CERT1: variants seen among roughly 807,000 people sequenced by gnomAD.
CERT1 encodes the protein ceramide transporter 1, also known as ceramide transfer protein.
A neutral mutation model predicts 87.9 loss-of-function variants in CERT1; 31 were observed. The observed-to-expected ratio is 0.35, with a 90% CI of 0.27 to 0.48. The LOEUF is 0.48. CERT1 is among the 20% of genes least tolerant of loss of function. The probability of loss-of-function intolerance (pLI) is 0.99; values close to 1 mark genes in which losing one functional copy is unlikely to be tolerated. For missense variants in CERT1, 487 were observed against 758.0 expected (o/e 0.64, Z 4.20); for synonymous variants, 289 against 250.9 (o/e 1.15, Z -1.44).
At chr5:75,462,948 C>A (rs1343119303) in intron 2 of CERT1, among the ~76,000 whole-genome samples, 1 of 140,980 alleles carries the variant, frequency 7.1e-6, no homozygotes, top group African/African-American at 2.7e-5. Context: ...ACCAAGATGG[C>A]GCTACTGTAC....
At chr5:75,508,697 A>ACT (rs1767773480) in intron 1 of CERT1, among the ~76,000 whole-genome samples, 1 of 152,212 alleles carries the variant, frequency 6.6e-6, no homozygotes, top group African/African-American at 2.4e-5. Context: ...TATATTTAGA[A>ACT]TAAGAGTCAG....
chr5:75,399,285 T>G, intron 11 of CERT1, 25 bp downstream of exon 11: 2 of 1,530,290 alleles, frequency 1.3e-6, no homozygotes, highest in Non-Finnish European at 1.8e-6. Context: ...AAGACTCAAG[T>G]CCACTCTATA....
At chr5:75,392,493 A>C (rs547122669) in intron 11 of CERT1, among the ~76,000 whole-genome samples, 1 of 152,340 alleles carries the variant, frequency 6.6e-6, no homozygotes, top group African/African-American at 2.4e-5. Context: ...ATAACATTAA[A>C]GTTAAGAGAG....
At chr5:75,440,437 G>A (rs1289722132) in intron 3 of CERT1, among the ~76,000 whole-genome samples, 6 of 151,900 alleles carry the variant, frequency 3.9e-5, no homozygotes, top group African/African-American at 7.2e-5. Flanking sequence ...AAACCACCAC[G>A]GGAGAGCTTT....
chr5:75,373,891 C>T (rs1400552703), downstream of CERT1: 5 of 392,744 alleles, frequency 1.3e-5, no homozygotes, highest in East Asian at 1.8e-4. Context: ...AGCATCAATT[C>T]CTAGTTGTGA....
At chr5:75,405,388 TAC>T (rs1256981008) in intron 8 of CERT1, among the ~76,000 whole-genome samples, 1 of 152,194 alleles carries the variant, frequency 6.6e-6, no homozygotes, top group Middle Eastern at 3.2e-3. Context: ...ACAGCATTCT[TAC>T]TTATATCCAA....
intron 8 of CERT1, among the ~76,000 whole-genome samples, chr5:75,409,589 C>T (rs910909386): frequency 4.1e-4 from 63 of 152,038 alleles, no homozygotes; most frequent in African/African-American, 1.5e-3. Context: ...CGCAGTGGCA[C>T]GATCTCAGCT....
At chr5:75,500,900 T>C (rs1580862414) in intron 2 of CERT1, among the ~76,000 whole-genome samples, 1 of 152,234 alleles carries the variant, frequency 6.6e-6, no homozygotes, top group East Asian at 1.9e-4. Context: ...GACTACTATT[T>C]GGCACTTTCA....
At chr5:75,376,071 C>T (rs1051222846), downstream of CERT1, 6 of 152,122 alleles carry the variant, frequency 3.9e-5, no homozygotes, top group Non-Finnish European at 8.8e-5. Flanking sequence ...CAAGCTCCTC[C>T]CTCCCAGGTC....
At chr5:75,420,083 T>C (rs1250151053) in intron 5 of CERT1, among the ~76,000 whole-genome samples, 1 of 151,592 alleles carries the variant, frequency 6.6e-6, no homozygotes, top group African/African-American at 2.4e-5. Context: ...TTCAAGCAAT[T>C]CTTCCACCTC....
At chr5:75,398,922 C>T (rs1762362637) in intron 11 of CERT1, among the ~76,000 whole-genome samples, 1 of 152,170 alleles carries the variant, frequency 6.6e-6, no homozygotes, top group South Asian at 2.1e-4. Context: ...GATACTTTAG[C>T]TTAAAAGTGA....
Position 75,411,044 on chromosome 5 carries a change from C to T in CERT1, c.897G>A (p.Lys299=). 2.5e-6 allele frequency: 4 copies of T among 1,594,378 alleles called. No homozygotes were observed. Among genetic ancestry groups the T allele is most frequent in the Non-Finnish European group, 3.4e-6 (4 of 1,168,556 alleles). The change falls in exon 8 of 17, where the codon AAG becomes AAA. Residue 299 remains lysine, a synonymous_variant. Coordinates refer to ENST00000643780, the MANE Select transcript of CERT1 (RefSeq NM_001379029.1). ...CTGGTCCTCCAAAGTGGGATTTTTT[C>T]TTAAGTTCTGTCATTGCATTTTTAT... is the stretch of plus-strand genomic sequence containing the variant. ...EAYKNAMTEL[K]KKSHFGGPDY...
intron 1 of CERT1, among the ~76,000 whole-genome samples, chr5:75,506,854 G>A (rs1055449935): frequency 5.3e-5 from 8 of 152,120 alleles, no homozygotes; most frequent in African/African-American, 1.9e-4. Context: ...TTTCTGTGTT[G>A]CTAAAGTCTT....
At chr5:75,464,413 A>T (rs1765371329) in intron 2 of CERT1, among the ~76,000 whole-genome samples, 1 of 152,166 alleles carries the variant, frequency 6.6e-6, no homozygotes, top group Non-Finnish European at 1.5e-5. Flanking sequence ...TAAATCAGAC[A>T]TTCTTACAGA....
At chr5:75,431,457 T>A (rs1763863035) in intron 3 of CERT1, among the ~76,000 whole-genome samples, 1 of 152,164 alleles carries the variant, frequency 6.6e-6, no homozygotes, top group Non-Finnish European at 1.5e-5. Context: ...AGGAAACACT[T>A]TGGATGAACA....
rs181517235 is a variant in CERT1 at position 75,384,731 on chromosome 5, T to A, written c.1418-19A>T. On this transcript the variant is annotated intron_variant, in intron 13 of 16. Transcript: ENST00000643780. Reference sequence around the variant, plus strand: ...ATAGTTGCTGAAATGAAGAGAATAATAAAAAGATATATTATCTTTTCCTAG... The same window carrying A: ...ATAGTTGCTGAAATGAAGAGAATAAAAAAAAGATATATTATCTTTTCCTAG... 3 of 1,432,614 alleles carry A rather than the reference T, an allele frequency of 2.1e-6. No homozygotes were observed. Among genetic ancestry groups the A allele is most frequent in the East Asian group, 4.6e-5 (2 of 43,870 alleles). The allele number at this position is 1,432,614 out of a possible 1,614,324, so 88.7% of individuals were successfully genotyped here.
chr5:75,452,508 G>A (rs1764806436), intron 3 of CERT1, among the ~76,000 whole-genome samples: 1 of 152,102 alleles, frequency 6.6e-6, no homozygotes, highest in African/African-American at 2.4e-5. Context: ...AAGTGGGGGA[G>A]TACATTTTTT....
In CERT1 at chr5:75,378,595, T is replaced by C. The variant is rs1761421915; in HGVS notation, c.*751A>G. On this transcript the variant is annotated 3_prime_UTR_variant, in exon 17 of 17. Transcript: ENST00000643780. ...AGAATGAGATGTTTTACACATCTCA[T>C]GTCTTATAAAGAAAGATAGTCAAGA... The C allele has an allele frequency of 1.3e-5, 2 of 152,184 alleles. No homozygotes were observed. 9.4% of individuals were successfully genotyped at this position (152,184 alleles called of 1,614,324 possible). A position where few individuals can be genotyped will look rare whatever the true frequency, so the allele number is the denominator to read the frequency against.
chr5:75,374,485 A>C, downstream of CERT1: 1 of 722,208 alleles, frequency 1.4e-6, no homozygotes. Context: ...AGAAGGAACA[A>C]TGGTTGTGCC....
Sources: gnomAD v4.1 joint callset for allele counts (sites outside exome capture counted in the v4.1 genomes callset) on GRCh38, gnomAD v4.1.1 for gene constraint, MANE v1.5 for transcripts, NCBI Gene and HGNC (gene_info 2026-07-23, HGNC 2026-07-21) for gene names.